Variants in ELOVL7 observed in about 807,000 individuals in gnomAD.
ELOVL7 encodes the protein ELOVL fatty acid elongase 7.
In ELOVL7, 27 loss-of-function variants were observed where a neutral mutation model predicts 35.7. The observed-to-expected ratio is 0.76, with a 90% confidence interval of 0.56 to 1.04. ELOVL7 has a LOEUF of 1.04. Ranked by LOEUF, ELOVL7 falls within the 50% of genes least tolerant of loss-of-function variation. ELOVL7 has a pLI of 0.00. For synonymous variants in ELOVL7, 113 were observed against 114.6 expected, an observed-to-expected ratio of 0.99 and a Z score of 0.09; for missense variants, 327 against 340.8, an observed-to-expected ratio of 0.96 and a Z score of 0.32.
chr5:60,786,998 T>C (rs1018714065), intron 3 of ELOVL7, among the ~76,000 whole-genome samples: 1 of 151,846 alleles, frequency 6.6e-6, no homozygotes, highest in African/African-American at 2.4e-5. Flanking sequence ...GTAATTTCCC[T>C]CAGGAGCATT....
At chr5:60,824,946 C>T (rs1746085480) in intron 1 of ELOVL7, among the ~76,000 whole-genome samples, 1 of 150,222 alleles carries the variant, frequency 6.7e-6, no homozygotes, top group African/African-American at 2.4e-5. Flanking sequence ...TCTGACCTTT[C>T]CTTCTTCTCA....
intron 1 of ELOVL7, among the ~76,000 whole-genome samples, chr5:60,804,407 G>A (rs922170601): frequency 6.6e-5 from 10 of 152,230 alleles, no homozygotes; most frequent in South Asian, 2.1e-4. Flanking sequence ...TTGCCATCAC[G>A]TATAAGCTCA....
chr5:60,841,324 C>T (rs1019925727), intron 1 of ELOVL7, among the ~76,000 whole-genome samples: 1 of 151,860 alleles, frequency 6.6e-6, no homozygotes, highest in Admixed American at 6.6e-5. Flanking sequence ...CTGTGCCCAG[C>T]CTGAGAATAC....
At chr5:60,822,094 A>T (rs1186667306) in intron 1 of ELOVL7, among the ~76,000 whole-genome samples, 2 of 152,236 alleles carry the variant, frequency 1.3e-5, no homozygotes, top group African/African-American at 4.8e-5. Flanking sequence ...AATAAATATC[A>T]GTGAATAAAT....
At chr5:60,813,128 T>G (rs116080906) in intron 1 of ELOVL7, among the ~76,000 whole-genome samples, 16 of 152,332 alleles carry the variant, frequency 1.1e-4, no homozygotes, top group Non-Finnish European at 2.1e-4. Flanking sequence ...CCAGCTTCTA[T>G]CTTCAACCAA....
At chr5:60,838,979 C>T (rs539740565) in intron 1 of ELOVL7, among the ~76,000 whole-genome samples, 1 of 150,134 alleles carries the variant, frequency 6.7e-6, no homozygotes, top group East Asian at 2.0e-4. Context: ...GCAGAGATAG[C>T]GCCATTGCAC....
At chr5:60,755,851 G>T (rs1308923859) in intron 8 of ELOVL7, among the ~76,000 whole-genome samples, 1 of 152,098 alleles carries the variant, frequency 6.6e-6, no homozygotes, top group Non-Finnish European at 1.5e-5. Context: ...AGCAATATGT[G>T]TTCTGTGGAA....
rs529716756 is a variant in ELOVL7, at chr5:60,828,832, A to T, written c.-86+15328T>A. 4.6e-5 allele frequency among the ~76,000 whole-genome samples: 7 copies of T among 152,294 alleles called. No individual in the cohort carries two copies. The East Asian group carries it at 1.3e-3, about 29-fold the overall frequency. On this transcript the variant is annotated intron_variant, in intron 1 of 8. Transcript: ENST00000508821. Reference sequence around the variant, plus strand: ...TGCTACTTAGACTCCGTATCATCCTATTACCCAAGAATCTCTCACTACTTT... The same window carrying T: ...TGCTACTTAGACTCCGTATCATCCTTTTACCCAAGAATCTCTCACTACTTT...
intron 1 of ELOVL7, among the ~76,000 whole-genome samples, chr5:60,807,849 G>A (rs1007094979): frequency 6.6e-6 from 1 of 150,896 alleles, no homozygotes; most frequent in Non-Finnish European, 1.5e-5. Flanking sequence ...AATACAAAAA[G>A]TTAGCCGGGC....
intron 1 of ELOVL7, among the ~76,000 whole-genome samples, chr5:60,802,060 TCA>T (rs1744650807): frequency 9.1e-6 from 1 of 109,758 alleles, no homozygotes; most frequent in Non-Finnish European, 1.8e-5. Context: ...TAATAAACTC[TCA>T]TATATATATA....
chr5:60,764,581 G>T (rs1742124056), intron 6 of ELOVL7, among the ~76,000 whole-genome samples: 4 of 151,964 alleles, frequency 2.6e-5, no homozygotes, highest in Admixed American at 2.0e-4. Flanking sequence ...ACTTTATGTA[G>T]ATTTAAAAAT....
At chr5:60,761,973 T>G (rs1314662488) in intron 7 of ELOVL7, among the ~76,000 whole-genome samples, 2 of 152,100 alleles carry the variant, frequency 1.3e-5, no homozygotes, top group Non-Finnish European at 2.9e-5. Context: ...TTTCTGCTAG[T>G]GTGGAGATAA....
At chr5:60,818,741 C>T (rs553328365) in intron 1 of ELOVL7, among the ~76,000 whole-genome samples, 1 of 151,614 alleles carries the variant, frequency 6.6e-6, no homozygotes, top group East Asian at 1.9e-4. Flanking sequence ...GGCATGGTGG[C>T]TCACGCCTGT....
chr5:60,783,096 G>A (rs143538597), intron 3 of ELOVL7, among the ~76,000 whole-genome samples: 32 of 152,208 alleles, frequency 2.1e-4, no homozygotes, highest in African/African-American at 7.5e-4. Context: ...ATTGGTGACC[G>A]TGATGAACTG....
At chr5:60,815,008 C>T (rs1035711711) in intron 1 of ELOVL7, among the ~76,000 whole-genome samples, 4 of 152,146 alleles carry the variant, frequency 2.6e-5, no homozygotes, top group Admixed American at 2.6e-4. Flanking sequence ...TAAGAGGACC[C>T]TAACAAAGCA....
At chr5:60,768,591 G>C (rs6449498) in intron 4 of ELOVL7, 22 of 433,070 alleles carry the variant, frequency 5.1e-5, no homozygotes, top group African/African-American at 4.1e-4. Context: ...ACAAGAAAGA[G>C]CCTATTGTTG....
At position 60,837,315 on chromosome 5, in the gene ELOVL7, TGGGGGGGGAGTG is replaced by T. The variant is rs1466790150; in HGVS notation, c.-86+6833_-86+6844del. Among the ~76,000 whole-genome samples, 45 of 24,536 alleles carry T rather than the reference TGGGGGGGGAGTG, an allele frequency of 1.8e-3. 1 individual carries two copies. Among genetic ancestry groups the T allele is most frequent in the Middle Eastern group, 0.021 (1 of 48 alleles). The allele number at this position is 24,536 out of a possible 152,430, so 16.1% of individuals were successfully genotyped here. A position where few individuals can be genotyped will look rare whatever the true frequency, so the allele number is the denominator to read the frequency against. On this transcript the variant is annotated intron_variant, in intron 1 of 8. Transcript: ENST00000508821. ...GGGCAGGCGTGGTAGGGCGGGGGGG[TGGGGGGGGAGTG>T]GGGGGTGGGGGTGGCGCTTGTCAGG... is the stretch of plus-strand genomic sequence containing the variant.
At position 60,753,140 on chromosome 5, in the gene ELOVL7, TG is replaced by T. The variant is rs1442226946; in HGVS notation, c.*1483del. On this transcript the variant is annotated 3_prime_UTR_variant, in exon 9 of 9. Transcript: ENST00000508821. ...GTATCTCTGTGTGTTCAAAATTAAC[TG>T]GGGCTTTAAGTACTAATTGTTTAAA... The T allele has an allele frequency of 6.6e-6, 1 of 151,872 alleles. No individual in the cohort carries two copies. Among genetic ancestry groups the T allele is most frequent in the Non-Finnish European group, 1.5e-5 (1 of 67,960 alleles). 9.4% of individuals were successfully genotyped at this position (151,872 alleles called of 1,614,324 possible).
chr5:60,756,408 T>A (rs1414455280), intron 8 of ELOVL7, among the ~76,000 whole-genome samples: 1 of 152,196 alleles, frequency 6.6e-6, no homozygotes, highest in African/African-American at 2.4e-5. Flanking sequence ...TAATTAGGTG[T>A]TCTCACGTAT....
Sources: gnomAD v4.1 joint callset for allele counts (sites outside exome capture counted in the v4.1 genomes callset) on GRCh38, gnomAD v4.1.1 for gene constraint, MANE v1.5 for transcripts, NCBI Gene and HGNC (gene_info 2026-07-23, HGNC 2026-07-21) for gene names.